ATP8A1: variants seen among roughly 807,000 people sequenced by gnomAD.
The protein encoded by ATP8A1 is ATPase phospholipid transporting 8A1.
Under a neutral mutation model 177.7 loss-of-function variants are expected in ATP8A1, and 90 were observed. The ratio of observed to expected loss-of-function variants is 0.51; its 90% CI spans 0.43 to 0.60. ATP8A1 has a LOEUF of 0.60. ATP8A1 is among the 20% of genes least tolerant of loss of function. ATP8A1 has a pLI of 0.00. For missense variants in ATP8A1, 1,072 were observed against 1,392.8 expected (o/e 0.77, Z 3.67); for synonymous variants, 493 against 485.9 (o/e 1.01, Z -0.19).
chr4:42,585,973 A>G (rs941003243), intron 9 of ATP8A1, among the ~76,000 whole-genome samples: 1 of 152,218 alleles, frequency 6.6e-6, no homozygotes, highest in African/African-American at 2.4e-5. Context: ...AGATCACAGG[A>G]AAGGACCCAG....
At chr4:42,636,157 C>CACACACGCGCGT (rs1553920762) in intron 1 of ATP8A1, among the ~76,000 whole-genome samples, 1 of 15,058 alleles carries the variant, frequency 6.6e-5, no homozygotes, top group African/African-American at 2.1e-4. Context: ...CACACACACA[C>CACACACGCGCGT]GCACACACAC....
Position 42,435,413 on chromosome 4 carries a change from C to T in ATP8A1, c.3123+8152G>A, listed in dbSNP as rs1311334703. ...TGTACTCCAGCCTGGGGGACAAGAG[C>T]GAGACTTCATCTCAAAAAAAAAAAA... On this transcript the variant is annotated intron_variant, in intron 33 of 36. Coordinates refer to ENST00000381668, the MANE Select transcript of ATP8A1 (RefSeq NM_006095.2). 3.0e-4 allele frequency among the ~76,000 whole-genome samples: 36 copies of T among 119,308 alleles called. No homozygotes were observed. The South Asian group carries it at 5.3e-3, about 18-fold the overall frequency. 78.3% of individuals were successfully genotyped at this position (119,308 alleles called of 152,430 possible).
At chr4:42,522,119 A>G (rs1726188533) in intron 22 of ATP8A1, 41 bp downstream of exon 22, 8 of 1,561,124 alleles carry the variant, frequency 5.1e-6, no homozygotes, top group South Asian at 3.6e-5. Context: ...AACTATCTGG[A>G]AACCAAACCC....
chr4:42,491,055 TA>T (rs1722691682), intron 24 of ATP8A1, among the ~76,000 whole-genome samples: 1 of 152,138 alleles, frequency 6.6e-6, no homozygotes, highest in African/African-American at 2.4e-5. Context: ...AAAACTCCTG[TA>T]TACTCTTAAA....
intron 20 of ATP8A1, among the ~76,000 whole-genome samples, chr4:42,532,942 T>A (rs1199241382): frequency 6.6e-6 from 1 of 152,230 alleles, no homozygotes; most frequent in Non-Finnish European, 1.5e-5. Flanking sequence ...TTTGTACGCC[T>A]ATCCCAAACC....
rs1736881082 is a variant in ATP8A1, at chr4:42,616,064, A to G, written c.378T>C (p.Ala126=). The G allele has an allele frequency of 1.2e-6, 2 of 1,611,588 alleles. No homozygotes were observed. The highest frequency in any genetic ancestry group is 1.7e-6 in the Non-Finnish European group (2 of 1,179,198). The change falls in exon 5 of 37, where the codon GCT becomes GCC. Residue 126 remains alanine (A), a synonymous_variant. Transcript: ENST00000381668. ...TTTGTTTCTTGTTCACTGCATTATC[A>G]GCTTTATGTCGTTTCTAAAGTTTAA... ...EIIEDIKRHK[A]DNAVNKKQTQ...
At position 42,600,612 on chromosome 4, in the gene ATP8A1, C is replaced by A; in HGVS notation, c.410-94G>T. ...ATAATTTTAAACGAATAGCTTCAGT[C>A]AAAATAACTAGTAGCAATTTTTATA... On this transcript the variant is annotated intron_variant, in intron 5 of 36. Coordinates refer to ENST00000381668, the MANE Select transcript of ATP8A1 (RefSeq NM_006095.2). The A allele has an allele frequency of 2.6e-6, 3 of 1,145,890 alleles. No homozygotes were observed. In the South Asian group the frequency reaches 4.6e-5, roughly 18 times the overall value. The allele number at this position is 1,145,890 out of a possible 1,614,324, so 71.0% of individuals were successfully genotyped here.
chr4:42,571,909 G>C (rs914455840), intron 14 of ATP8A1, among the ~76,000 whole-genome samples: 5 of 152,170 alleles, frequency 3.3e-5, no homozygotes, highest in African/African-American at 1.2e-4. Context: ...ATTAAATTCT[G>C]ATGCACGGTT....
chr4:42,554,821 G>T (rs900319804), intron 16 of ATP8A1, among the ~76,000 whole-genome samples: 1 of 152,158 alleles, frequency 6.6e-6, no homozygotes, highest in Admixed American at 6.5e-5. Flanking sequence ...TAACATTTGA[G>T]TAAGTGGGAT....
At chr4:42,453,801 T>C (rs1718192396) in intron 29 of ATP8A1, among the ~76,000 whole-genome samples, 1 of 152,168 alleles carries the variant, frequency 6.6e-6, no homozygotes, top group Non-Finnish European at 1.5e-5. Context: ...AGAATTATTG[T>C]TAGTATACCA....
At chr4:42,634,584 T>C (rs919804790) in intron 1 of ATP8A1, among the ~76,000 whole-genome samples, 1 of 152,156 alleles carries the variant, frequency 6.6e-6, no homozygotes, top group Admixed American at 6.6e-5. Context: ...GAATCATGCC[T>C]AAGAATGAGA....
intron 19 of ATP8A1, among the ~76,000 whole-genome samples, chr4:42,546,629 T>C (rs985701176): frequency 6.6e-6 from 1 of 151,972 alleles, no homozygotes; most frequent in Non-Finnish European, 1.5e-5. Context: ...CACTCCTCCA[T>C]TAAGCCACAT....
intron 30 of ATP8A1, among the ~76,000 whole-genome samples, 186 bp from the exon 31 acceptor site, chr4:42,446,830 G>A (rs1359334749): frequency 6.6e-6 from 1 of 151,368 alleles, no homozygotes; most frequent in Non-Finnish European, 1.5e-5. Context: ...GTAAAGATAG[G>A]CCACAAAAGA....
At chr4:42,418,722 C>A (rs186833652) in intron 35 of ATP8A1, among the ~76,000 whole-genome samples, 1 of 151,990 alleles carries the variant, frequency 6.6e-6, no homozygotes, top group East Asian at 1.9e-4. Flanking sequence ...CAAAAGCATG[C>A]GTATTTAGAA....
At chr4:42,656,721 CG>C (rs1741668286) in intron 1 of ATP8A1, 103 bp downstream of exon 1, 1 of 1,312,292 alleles carries the variant, frequency 7.6e-7, no homozygotes, top group Non-Finnish European at 1.0e-6. Flanking sequence ...GGACTGCCGC[CG>C]GGGAAGAGGT....
intron 27 of ATP8A1, among the ~76,000 whole-genome samples, chr4:42,462,969 T>C (rs190456939): frequency 1.3e-5 from 2 of 152,352 alleles, no homozygotes; most frequent in African/African-American, 4.8e-5. Context: ...TTTTGGCCAG[T>C]TTCTCTCACT....
chr4:42,440,926 A>AG (rs1206104675), intron 33 of ATP8A1, among the ~76,000 whole-genome samples: 3 of 93,668 alleles, frequency 3.2e-5, no homozygotes, highest in Non-Finnish European at 7.0e-5. Flanking sequence ...TACATAATTA[A>AG]TTATTTAGTG....
At chr4:42,606,356 T>C (rs1415298408) in intron 5 of ATP8A1, among the ~76,000 whole-genome samples, 1 of 152,178 alleles carries the variant, frequency 6.6e-6, no homozygotes, top group East Asian at 1.9e-4. Context: ...TGAAGCTCCA[T>C]GGTATGTATG....
intron 1 of ATP8A1, among the ~76,000 whole-genome samples, chr4:42,635,782 CATATATATATATATATATAT>C (rs764452182): frequency 7.7e-5 from 4 of 51,992 alleles, no homozygotes; most frequent in South Asian, 1.7e-3. Context: ...CACACACACA[CATATATATATATATATATAT>C]ATATATATAC....
Sources: gnomAD v4.1 joint callset for allele counts (sites outside exome capture counted in the v4.1 genomes callset) on GRCh38, gnomAD v4.1.1 for gene constraint, MANE v1.5 for transcripts, NCBI Gene and HGNC (gene_info 2026-07-23, HGNC 2026-07-21) for gene names.